The following ADAMTS17 variants were observed in gnomAD, a reference collection of about 807,000 sequenced individuals.
ADAMTS17 encodes ADAM metallopeptidase with thrombospondin type 1 motif 17.
In ADAMTS17, 113 loss-of-function variants were observed where a neutral mutation model predicts 141.5. The ratio of observed to expected loss-of-function variants is 0.80; its 90% CI spans 0.69 to 0.93. ADAMTS17 has a LOEUF of 0.93. ADAMTS17 is among the 40% of genes least tolerant of loss of function. The probability of loss-of-function intolerance (pLI) is 0.00; values close to 1 mark genes in which losing one functional copy is unlikely to be tolerated. For synonymous variants in ADAMTS17, 768 were observed against 630.6 expected, an observed-to-expected ratio of 1.22 and a Z score of -3.27; for missense variants, 1,659 against 1,517.9, an observed-to-expected ratio of 1.09 and a Z score of -1.54.
chr15:100,159,140 G>A (rs562671071), intron 8 of ADAMTS17, among the ~76,000 whole-genome samples: 2 of 152,208 alleles, frequency 1.3e-5, no homozygotes, highest in East Asian at 1.9e-4. Flanking sequence ...CAAAAAAATT[G>A]AAACCAGAAT....
At chr15:100,327,941 A>T (rs79045467) in intron 3 of ADAMTS17, among the ~76,000 whole-genome samples, 67 of 152,318 alleles carry the variant, frequency 4.4e-4, no homozygotes, top group African/African-American at 1.6e-3. Context: ...GCTCAGACAT[A>T]AAACCCTACT....
At chr15:100,018,478 C>T (rs2061336236) in intron 18 of ADAMTS17, among the ~76,000 whole-genome samples, 1 of 152,164 alleles carries the variant, frequency 6.6e-6, no homozygotes, top group Admixed American at 6.5e-5. Context: ...CTTTGCTGTT[C>T]TCATGATACT....
rs577422654 is a variant in ADAMTS17, at chr15:100,114,684, T to C, written c.1888+2163A>G. 2.6e-5 allele frequency among the ~76,000 whole-genome samples: 4 copies of C among 152,194 alleles called. No homozygotes were observed. The South Asian group carries it at 8.3e-4, about 32-fold the overall frequency. ...AAAGGCGGTGGCACTCTAGTGACAA[T>C]AACTTAGGACTTAGGCAGAGAGAAA... is the stretch of plus-strand genomic sequence containing the variant. On this transcript the variant is annotated intron_variant, in intron 13 of 21. Coordinates refer to ENST00000268070, the MANE Select transcript of ADAMTS17 (RefSeq NM_139057.4).
chr15:100,228,221 G>C (rs1430852074), intron 7 of ADAMTS17, among the ~76,000 whole-genome samples: 1 of 152,166 alleles, frequency 6.6e-6, no homozygotes, highest in Non-Finnish European at 1.5e-5. Context: ...TCCTAGCCTT[G>C]ATGTTACCAT....
At chr15:100,145,080 ATAAT>A (rs1409104605) in intron 10 of ADAMTS17, among the ~76,000 whole-genome samples, 1 of 152,106 alleles carries the variant, frequency 6.6e-6, no homozygotes, top group Non-Finnish European at 1.5e-5. Flanking sequence ...TTTTTGTCTC[ATAAT>A]ATACTTAAAG....
rs571311114 is a variant in ADAMTS17 at position 100,278,586 on chromosome 15, T to G, written c.789+2643A>C. On this transcript the variant is annotated intron_variant, in intron 4 of 21. Coordinates refer to ENST00000268070, the MANE Select transcript of ADAMTS17 (RefSeq NM_139057.4). ...GACATGAGGCCTCTACTCTGAGTGC[T>G]GCCGAAGCAGCCTCCCTTCAGAGCA... Among the ~76,000 whole-genome samples, 340 of 152,296 alleles carry G rather than the reference T, an allele frequency of 2.2e-3. 1 individual carries two copies. The highest frequency in any genetic ancestry group is 7.9e-3 in the African/African-American group (327 of 41,566).
chr15:100,281,777 C>T (rs1354349246), intron 3 of ADAMTS17, among the ~76,000 whole-genome samples: 1 of 152,180 alleles, frequency 6.6e-6, no homozygotes, highest in African/African-American at 2.4e-5. Flanking sequence ...TGAAAGGCCA[C>T]ACCCAAGGTG....
chr15:100,260,491 G>T (rs574604115), intron 6 of ADAMTS17, among the ~76,000 whole-genome samples: 1 of 152,034 alleles, frequency 6.6e-6, no homozygotes, highest in East Asian at 2.0e-4. Context: ...GCACACGCCT[G>T]TAATCCCAGC....
intron 2 of ADAMTS17, among the ~76,000 whole-genome samples, chr15:100,333,340 GC>G: frequency 6.6e-6 from 1 of 152,274 alleles, no homozygotes; most frequent in African/African-American, 2.4e-5. Context: ...ACTGCCTGCA[GC>G]CCCCTGGCTC....
chr15:100,074,971 G>A (rs2034265553), intron 15 of ADAMTS17, among the ~76,000 whole-genome samples: 2 of 152,196 alleles, frequency 1.3e-5, no homozygotes, highest in African/African-American at 2.4e-5. Context: ...AGAAAACAGT[G>A]GAGCTGTATA....
chr15:100,105,489 G>A (rs184736090), intron 14 of ADAMTS17, among the ~76,000 whole-genome samples: 17 of 152,288 alleles, frequency 1.1e-4, no homozygotes, highest in Admixed American at 2.6e-4. Context: ...ACAGGAAGGC[G>A]TGCATCCCAA....
At chr15:100,108,966 G>C in intron 14 of ADAMTS17, 23 bp downstream of exon 14, 5 of 1,613,114 alleles carry the variant, frequency 3.1e-6, no homozygotes, top group Non-Finnish European at 3.4e-6. Flanking sequence ...GCCCCACCAA[G>C]GACCGAAGGA....
chr15:100,198,039 G>A (rs775519046), intron 8 of ADAMTS17, among the ~76,000 whole-genome samples: 11 of 152,114 alleles, frequency 7.2e-5, no homozygotes, highest in Non-Finnish European at 1.5e-4. Context: ...GGAGGACTAG[G>A]GGAAGGACAG....
intron 18 of ADAMTS17, among the ~76,000 whole-genome samples, chr15:100,043,481 C>A (rs1174280994): frequency 6.6e-6 from 1 of 152,160 alleles, no homozygotes; most frequent in Non-Finnish European, 1.5e-5. Context: ...GAGCTAATAC[C>A]TGCAGAGCTC....
At chr15:100,076,667 T>G (rs1200962056) in intron 15 of ADAMTS17, among the ~76,000 whole-genome samples, 1 of 152,210 alleles carries the variant, frequency 6.6e-6, no homozygotes, top group Admixed American at 6.5e-5. Context: ...AGGACATAGA[T>G]TTATTGATAT....
At chr15:100,076,923 TA>T (rs1338972126) in intron 15 of ADAMTS17, among the ~76,000 whole-genome samples, 2 of 152,188 alleles carry the variant, frequency 1.3e-5, no homozygotes, top group Admixed American at 6.5e-5. Flanking sequence ...TGTATAGCTC[TA>T]TTTTTTTGCT....
intron 15 of ADAMTS17, among the ~76,000 whole-genome samples, chr15:100,085,311 C>A (rs890716915): frequency 2.0e-5 from 3 of 149,276 alleles, no homozygotes; most frequent in African/African-American, 7.6e-5. Flanking sequence ...TACAAAGAAA[C>A]GAACAAAGCC....
intron 20 of ADAMTS17, among the ~76,000 whole-genome samples, chr15:99,982,822 C>A (rs2060508014): frequency 6.6e-6 from 1 of 152,306 alleles, no homozygotes; most frequent in East Asian, 1.9e-4. Flanking sequence ...GGAGCCCCCT[C>A]CCCAGCAGGT....
chr15:100,304,084 A>G (rs2045138725), intron 3 of ADAMTS17, among the ~76,000 whole-genome samples: 1 of 152,214 alleles, frequency 6.6e-6, no homozygotes. Context: ...ACTTCAGCTC[A>G]GAATCAACTG....
Sources: allele counts gnomAD v4.1 joint callset (sites outside exome capture counted in the v4.1 genomes callset), GRCh38; gene constraint gnomAD v4.1.1; transcripts MANE v1.5; gene names NCBI Gene and HGNC (gene_info 2026-07-23, HGNC 2026-07-21).